WAPL: variants seen among roughly 807,000 people sequenced by gnomAD.
WAPL encodes the protein WAPL cohesin release factor.
WAPL carries 5 observed loss-of-function variants against 121.0 expected under a neutral mutation model. The observed-to-expected ratio is 0.04, with a 90% CI of 0.02 to 0.09. WAPL has a LOEUF of 0.09. Ranked by LOEUF, WAPL falls within the 10% of genes least tolerant of loss-of-function variation. The pLI is 1.00. For synonymous variants in WAPL, 480 were observed against 481.5 expected, an observed-to-expected ratio of 1.00 and a Z score of 0.04; for missense variants, 999 against 1,410.8, an observed-to-expected ratio of 0.71 and a Z score of 4.68.
rs1031652225 is a variant in WAPL at position 86,474,041 on chromosome 10, G to T, written c.1645-68C>A. On this transcript the variant is annotated intron_variant, in intron 4 of 18. Transcript: ENST00000298767. ...AAGACTCTCAACTAAAAATCATAAAGAATAATTTATATGCATAAACATGTC... is the reference window on the plus strand; with the variant it reads ...AAGACTCTCAACTAAAAATCATAAATAATAATTTATATGCATAAACATGTC... 9.2e-6 allele frequency: 12 copies of T among 1,300,784 alleles called. No individual in the cohort carries two copies. In the African/African-American group the frequency reaches 1.5e-4, roughly 16 times the overall value. The allele number at this position is 1,300,784 out of a possible 1,614,324, so 80.6% of individuals were successfully genotyped here.
In WAPL at chr10:86,521,647, C is replaced by A. The variant is rs147871802; in HGVS notation, c.-305G>T. ...CTGGTAACAGAGCCTGCTGTGTGCC[C>A]CCGCTGGGCCGCCGCCGCCTCCTGC... is the stretch of plus-strand genomic sequence containing the variant. On this transcript the variant is annotated 5_prime_UTR_variant, in exon 1 of 19. Transcript: ENST00000298767. 2.2e-6 allele frequency: 1 copy of A among 461,744 alleles called. No homozygotes were observed. Among genetic ancestry groups the A allele is most frequent in the South Asian group, 1.6e-5 (1 of 63,268 alleles). 28.6% of individuals were successfully genotyped at this position (461,744 alleles called of 1,614,324 possible). A position where few individuals can be genotyped will look rare whatever the true frequency, so the allele number is the denominator to read the frequency against.
At chr10:86,495,431 C>T (rs982457878) in intron 4 of WAPL, among the ~76,000 whole-genome samples, 4 of 151,978 alleles carry the variant, frequency 2.6e-5, no homozygotes, top group African/African-American at 9.7e-5. Context: ...CACACCACTG[C>T]ATTCCAGCCT....
chr10:86,451,827 A>C, intron 15 of WAPL, 140 bp downstream of exon 15: 1 of 878,318 alleles, frequency 1.1e-6, no homozygotes, highest in East Asian at 2.7e-5. Flanking sequence ...CAGGAGTTCT[A>C]ACTAAAAAGG....
Position 86,518,105 on chromosome 10 carries a change from T to A in WAPL, c.-22-14A>T. The A allele has an allele frequency of 6.3e-7, 1 of 1,591,872 alleles. No homozygotes were observed. Among genetic ancestry groups the A allele is most frequent in the South Asian group, 1.1e-5 (1 of 88,122 alleles). On this transcript the variant is annotated splice_polypyrimidine_tract_variant and intron_variant, in intron 1 of 18. Transcript: ENST00000298767. The stretch of plus-strand genomic sequence containing the variant: ...GTTTCATATTCTCTGTGAAAAAAAA[T>A]TTAAGAAAACATATAATCATCAAAT...
intron 2 of WAPL, among the ~76,000 whole-genome samples, chr10:86,510,356 G>A (rs1842437918): frequency 1.3e-5 from 2 of 152,250 alleles, no homozygotes; most frequent in Admixed American, 1.3e-4. Flanking sequence ...ACAGGTGTGA[G>A]CCACCGCACC....
At chr10:86,493,662 T>C (rs1842091230) in intron 4 of WAPL, among the ~76,000 whole-genome samples, 1 of 151,390 alleles carries the variant, frequency 6.6e-6, no homozygotes, top group Non-Finnish European at 1.5e-5. Flanking sequence ...CCCAAGTAGC[T>C]TGGACTACAA....
chr10:86,472,370 C>T lies in WAPL; in HGVS notation c.1894-26G>A. 1 of 1,585,538 alleles carries T rather than the reference C, an allele frequency of 6.3e-7. No homozygotes were observed. The highest frequency in any genetic ancestry group is 8.5e-7 in the Non-Finnish European group (1 of 1,173,416). Reference sequence around the variant, plus strand: ...CTGCCAAGAAAAAAAAAGTTCACCCCTTTTTAACTAGGAACTAGCATATTT... The same window carrying T: ...CTGCCAAGAAAAAAAAAGTTCACCCTTTTTTAACTAGGAACTAGCATATTT... On this transcript the variant is annotated intron_variant, in intron 6 of 18. Coordinates refer to ENST00000298767, the MANE Select transcript of WAPL (RefSeq NM_015045.5). This position sits in a 1 kb window ranked among gnomAD's most constrained non-coding sequence, Gnocchi z 4.2.
In WAPL at chr10:86,521,564, G is replaced by A. The variant is rs1842680417; in HGVS notation, c.-222C>T. The A allele has an allele frequency of 2.5e-6, 1 of 403,992 alleles. No homozygotes were observed. The highest frequency in any genetic ancestry group is 1.8e-5 in the South Asian group (1 of 55,260). The allele number at this position is 403,992 out of a possible 1,614,324, so 25.0% of individuals were successfully genotyped here. A position where few individuals can be genotyped will look rare whatever the true frequency, so the allele number is the denominator to read the frequency against. On this transcript the variant is annotated 5_prime_UTR_variant, in exon 1 of 19. Coordinates refer to ENST00000298767, the MANE Select transcript of WAPL (RefSeq NM_015045.5). ...CGGCGGCCCCGCAACTTCCCTCCCCGCCTCGAGCGCCGCCGGCCGGGCCCA... is the reference window on the plus strand; with the variant it reads ...CGGCGGCCCCGCAACTTCCCTCCCCACCTCGAGCGCCGCCGGCCGGGCCCA...
intron 2 of WAPL, among the ~76,000 whole-genome samples, chr10:86,510,573 A>C (rs1206750412): frequency 1.3e-5 from 2 of 152,190 alleles, no homozygotes; most frequent in Non-Finnish European, 2.9e-5. Context: ...TCTGAGAAGA[A>C]ATTTGTTAGT....
chr10:86,511,667 C>T (rs1842465195), intron 2 of WAPL, among the ~76,000 whole-genome samples: 2 of 152,124 alleles, frequency 1.3e-5, no homozygotes, highest in Admixed American at 6.5e-5. Context: ...GGCACAGTGG[C>T]TCATGCCTGT....
intron 2 of WAPL, among the ~76,000 whole-genome samples, chr10:86,506,521 T>A (rs765266304): frequency 3.9e-5 from 6 of 152,216 alleles, no homozygotes; most frequent in Non-Finnish European, 8.8e-5. Flanking sequence ...ACGCCTGTAA[T>A]CCCAGCACTT....
intron 2 of WAPL, among the ~76,000 whole-genome samples, 163 bp downstream of exon 2, chr10:86,517,408 G>C (rs536870195): frequency 6.6e-6 from 1 of 152,248 alleles, no homozygotes; most frequent in African/African-American, 2.4e-5. Flanking sequence ...ACCTCCAACT[G>C]GTTTCTTTAA....
At chr10:86,513,891 T>C (rs1004479075) in intron 2 of WAPL, among the ~76,000 whole-genome samples, 1 of 152,148 alleles carries the variant, frequency 6.6e-6, no homozygotes, top group Non-Finnish European at 1.5e-5. Flanking sequence ...TTGTTAAAAT[T>C]TGCAACAGGT....
In WAPL at chr10:86,453,289, T is replaced by C; in HGVS notation, c.2880A>G (p.Thr960=). The change falls in exon 14 of 19, where the codon ACA becomes ACG. Residue 960 remains threonine, a synonymous_variant. Coordinates refer to ENST00000298767, the MANE Select transcript of WAPL (RefSeq NM_015045.5). ...KTGEQDGLIG[T]ALNCVLQVPK... ...GAACCTGAAGCACACAGTTCAGCGC[T>C]GTGCCTATGAGACCGTCCTGCTCTC... 6.2e-7 allele frequency: 1 copy of C among 1,614,172 alleles called. No homozygotes were observed. The highest frequency in any genetic ancestry group is 8.5e-7 in the Non-Finnish European group (1 of 1,180,022).
intron 1 of WAPL, among the ~76,000 whole-genome samples, chr10:86,519,496 A>ACC (rs139188414): frequency 4.7e-4 from 71 of 150,080 alleles, no homozygotes; most frequent in African/African-American, 1.6e-3. Flanking sequence ...TCAGTAGTAG[A>ACC]CCCCCCCCCA....
At position 86,518,104 on chromosome 10, in the gene WAPL, A is replaced by T; in HGVS notation, c.-22-13T>A. 2 of 1,593,012 alleles carry T rather than the reference A, an allele frequency of 1.3e-6. No homozygotes were observed. The highest frequency in any genetic ancestry group is 1.7e-6 in the Non-Finnish European group (2 of 1,170,766). The stretch of plus-strand genomic sequence containing the variant: ...AGTTTCATATTCTCTGTGAAAAAAA[A>T]TTTAAGAAAACATATAATCATCAAA... On this transcript the variant is annotated splice_polypyrimidine_tract_variant and intron_variant, in intron 1 of 18. Transcript: ENST00000298767.
chr10:86,483,460 G>C (rs1038256872), intron 4 of WAPL, among the ~76,000 whole-genome samples: 3 of 151,568 alleles, frequency 2.0e-5, no homozygotes, highest in African/African-American at 7.3e-5. Flanking sequence ...ATTAGATACA[G>C]TAAGTAACAC....
chr10:86,516,761 T>C (rs1365776307), intron 2 of WAPL, among the ~76,000 whole-genome samples: 1 of 152,108 alleles, frequency 6.6e-6, no homozygotes, highest in East Asian at 1.9e-4. Flanking sequence ...AAATTAACAT[T>C]TTTAAAATAC....
intron 9 of WAPL, among the ~76,000 whole-genome samples, chr10:86,463,415 T>G (rs1422760994): frequency 3.3e-5 from 5 of 152,180 alleles, no homozygotes; most frequent in Admixed American, 6.5e-5. Flanking sequence ...TGGGACAAGA[T>G]GTGGAGGTGG....
Sources: allele counts gnomAD v4.1 joint callset (sites outside exome capture counted in the v4.1 genomes callset), GRCh38; gene constraint gnomAD v4.1.1; non-coding constraint Gnocchi (gnomAD v3.1); transcripts MANE v1.5; gene names NCBI Gene and HGNC (gene_info 2026-07-23, HGNC 2026-07-21).